Variants in SQOR observed in about 807,000 individuals in gnomAD.
SQOR encodes the protein sulfide quinone oxidoreductase.
In SQOR, 39 loss-of-function variants were observed where a neutral mutation model predicts 48.6. The ratio of observed to expected loss-of-function variants is 0.80; its 90% CI spans 0.62 to 1.05. The LOEUF is 1.05. Among genes scored for constraint, SQOR ranks in the 50% least tolerant of loss-of-function variants. The pLI is 0.00. For synonymous variants in SQOR, 220 were observed against 206.2 expected (o/e 1.07, Z -0.57); for missense variants, 561 against 559.9 (o/e 1.00, Z -0.02).
At chr15:45,651,992 C>G (rs553499609) in intron 1 of SQOR, among the ~76,000 whole-genome samples, 1 of 151,300 alleles carries the variant, frequency 6.6e-6, no homozygotes, top group South Asian at 2.1e-4. Context: ...TGGGTTCAAG[C>G]AATTCTTGTG....
At chr15:45,632,563 A>G (rs902412799), upstream of SQOR, among the ~76,000 whole-genome samples, 16 of 151,986 alleles carry the variant, frequency 1.1e-4, no homozygotes, top group African/African-American at 3.9e-4. Flanking sequence ...ACAGCCATCA[A>G]TCTCAAACCA....
chr15:45,669,787 C>T (rs947873455), intron 3 of SQOR, 141 bp from the exon 4 acceptor site: 19 of 716,028 alleles, frequency 2.7e-5, no homozygotes, highest in African/African-American at 2.3e-4. Flanking sequence ...TGTTCTGCTT[C>T]GATTTTCTCA....
chr15:45,640,045 A>T (rs1003687728), intron 1 of SQOR, among the ~76,000 whole-genome samples: 109 of 152,352 alleles, frequency 7.2e-4, no homozygotes, highest in African/African-American at 2.4e-3. Flanking sequence ...GTAATTACGT[A>T]AAGTGCATAG....
At chr15:45,658,101 T>C (rs1889645977) in intron 1 of SQOR, among the ~76,000 whole-genome samples, 1 of 152,190 alleles carries the variant, frequency 6.6e-6, no homozygotes, top group South Asian at 2.1e-4. Context: ...AGTGAGTCTC[T>C]CGGAGGAACT....
chr15:45,667,193 A>G (rs1030178476), intron 3 of SQOR, among the ~76,000 whole-genome samples: 1 of 120,578 alleles, frequency 8.3e-6, no homozygotes, highest in African/African-American at 3.3e-5. Flanking sequence ...GCTGGAGTGC[A>G]GTGGTGAGAT....
At chr15:45,671,003 T>G in intron 4 of SQOR, among the ~76,000 whole-genome samples, 1 of 152,222 alleles carries the variant, frequency 6.6e-6, no homozygotes, top group East Asian at 1.9e-4. Flanking sequence ...TGGTACTGTC[T>G]TCCCAAAGCC....
chr15:45,662,608 G>A (rs76172688), intron 3 of SQOR, among the ~76,000 whole-genome samples: 14,415 of 152,198 alleles, frequency 0.095, 820 homozygotes, highest in Middle Eastern at 0.13. Flanking sequence ...TCATGCCAGC[G>A]CTAAGGAGAA....
At chr15:45,639,186 T>C (rs990993684) in intron 1 of SQOR, among the ~76,000 whole-genome samples, 4 of 152,216 alleles carry the variant, frequency 2.6e-5, no homozygotes, top group Non-Finnish European at 5.9e-5. Flanking sequence ...CCCATGTACT[T>C]TCCTTCTACA....
chr15:45,642,641 C>T (rs1421749608), intron 1 of SQOR, among the ~76,000 whole-genome samples: 1 of 152,138 alleles, frequency 6.6e-6, no homozygotes, highest in Admixed American at 6.5e-5. Flanking sequence ...TTATATCCAC[C>T]GTTAGGAGAT....
chr15:45,677,828 G>A (rs766352975), intron 6 of SQOR, among the ~76,000 whole-genome samples: 1 of 152,198 alleles, frequency 6.6e-6, no homozygotes, highest in Non-Finnish European at 1.5e-5. Context: ...AGCTTCATGA[G>A]TAGCTGGGAC....
At chr15:45,640,436 T>C (rs1895085090) in intron 1 of SQOR, among the ~76,000 whole-genome samples, 1 of 152,118 alleles carries the variant, frequency 6.6e-6, no homozygotes, top group Non-Finnish European at 1.5e-5. Context: ...ACTCTTGATA[T>C]GCCCTCAGAC....
At chr15:45,673,466 A>C (rs1390314153) in intron 4 of SQOR, 141 bp from the exon 5 acceptor site, 6 of 904,490 alleles carry the variant, frequency 6.6e-6, no homozygotes, top group Non-Finnish European at 6.7e-6. Context: ...ACCCTCACCC[A>C]CCTGCCTGCT....
At chr15:45,674,209 G>A (rs1889994729) in intron 5 of SQOR, among the ~76,000 whole-genome samples, 1 of 152,170 alleles carries the variant, frequency 6.6e-6, no homozygotes, top group South Asian at 2.1e-4. Context: ...GGCCAAGGTG[G>A]GTGGATCACC....
At position 45,669,986 on chromosome 15, in the gene SQOR, C is replaced by T. The variant is rs192804525; in HGVS notation, c.459+5C>T. The T allele has an allele frequency of 7.1e-5, 115 of 1,613,668 alleles. No individual in the cohort carries two copies. The Admixed American group carries it at 1.0e-3, about 14-fold the overall frequency. ...ATCCAGCTGGACTATGAGAAGGTACCGTGTGAAACTGTTTCTGTGTTACGC... is the reference window on the plus strand; with the variant it reads ...ATCCAGCTGGACTATGAGAAGGTACTGTGTGAAACTGTTTCTGTGTTACGC... On this transcript the variant is annotated splice_donor_5th_base_variant and intron_variant, in intron 4 of 9. Transcript: ENST00000260324.
rs34715010 is a variant in SQOR at position 45,682,533 on chromosome 15, G to A, written c.920G>A (p.Ser307Asn). The A allele has an allele frequency of 6.2e-7, 1 of 1,614,074 alleles. No individual in the cohort carries two copies. Among genetic ancestry groups the A allele is most frequent in the Non-Finnish European group, 8.5e-7 (1 of 1,180,050 alleles). Residue 307 changes from serine (S) to asparagine (N), a missense_variant, in exon 7 of 10, where the codon AGT becomes AAT. Transcript: ENST00000260324. ...PMSPPDVLKT[S>N]PVADAAGWVD... ...AGCCCACCAGATGTCCTCAAGACCA[G>A]TCCTGTGGCTGATGCTGCTGGTTGG...
rs146941333 is a variant in SQOR, at chr15:45,664,614, A to G, written c.405+2489A>G. 3.0e-4 allele frequency among the ~76,000 whole-genome samples: 45 copies of G among 152,222 alleles called. No individual in the cohort carries two copies. The East Asian group carries it at 7.9e-3, about 27-fold the overall frequency. On this transcript the variant is annotated intron_variant, in intron 3 of 9. Coordinates refer to ENST00000260324, the MANE Select transcript of SQOR (RefSeq NM_021199.4). The stretch of plus-strand genomic sequence containing the variant: ...GAATAGCGTGGAGCCATTCTCTCCC[A>G]TGATCTCATGCTGCATAAGTTAGCA...
intron 3 of SQOR, among the ~76,000 whole-genome samples, chr15:45,663,362 G>C (rs1313863137): frequency 6.6e-6 from 1 of 152,054 alleles, no homozygotes; most frequent in African/African-American, 2.4e-5. Context: ...GATCTTTCTG[G>C]GTACCAGATG....
intron 1 of SQOR, among the ~76,000 whole-genome samples, chr15:45,643,353 G>A (rs1466999554): frequency 3.3e-5 from 5 of 152,088 alleles, no homozygotes; most frequent in East Asian, 1.9e-4. Context: ...GTGCCACCAC[G>A]CCCAGCTAAT....
chr15:45,635,809 G>A (rs543955856), intron 1 of SQOR, among the ~76,000 whole-genome samples: 29 of 151,866 alleles, frequency 1.9e-4, no homozygotes, highest in African/African-American at 6.0e-4. Flanking sequence ...CACCCCTTTG[G>A]CATTTCTGGG....
Sources: gnomAD v4.1 joint callset for allele counts (sites outside exome capture counted in the v4.1 genomes callset) on GRCh38, gnomAD v4.1.1 for gene constraint, MANE v1.5 for transcripts, NCBI Gene and HGNC (gene_info 2026-07-23, HGNC 2026-07-21) for gene names.